The following HIVEP3 variants were observed in gnomAD, a reference collection of about 807,000 sequenced individuals.
The protein encoded by HIVEP3 is transcription factor HIVEP3.
In HIVEP3, 49 loss-of-function variants were observed where a neutral mutation model predicts 152.8. The observed-to-expected ratio is 0.32, with a 90% confidence interval of 0.26 to 0.41. The LOEUF is 0.41. Ranked by LOEUF, HIVEP3 falls within the 10% of genes least tolerant of loss-of-function variation. HIVEP3 has a pLI of 1.00. For synonymous variants in HIVEP3, 1,269 were observed against 1,289.0 expected (o/e 0.98, Z 0.33); for missense variants, 2,790 against 3,103.3 (o/e 0.90, Z 2.40).
intron 3 of HIVEP3, among the ~76,000 whole-genome samples, chr1:41,624,647 G>A (rs1204529136): frequency 6.6e-6 from 1 of 152,196 alleles, no homozygotes; most frequent in Non-Finnish European, 1.5e-5. Context: ...GTATTATGTG[G>A]ATTATCATGA....
Position 41,774,673 on chromosome 1 carries a change from T to C in HIVEP3, c.-800-73678A>G, listed in dbSNP as rs554725908. 5.4e-4 allele frequency among the ~76,000 whole-genome samples: 82 copies of C among 152,358 alleles called. 1 individual carries two copies. The highest frequency in any genetic ancestry group is 6.2e-4 in the Non-Finnish European group (42 of 68,038). On this transcript the variant is annotated intron_variant, in intron 1 of 8. Transcript: ENST00000372583. The stretch of plus-strand genomic sequence containing the variant: ...AGGAGTTGCTCAATTCACAGGATGA[T>C]TAAATAATACATTTTAGAGTAAGAT...
chr1:41,659,768 C>T (rs1645683846), intron 2 of HIVEP3, among the ~76,000 whole-genome samples: 1 of 152,200 alleles, frequency 6.6e-6, no homozygotes, highest in Non-Finnish European at 1.5e-5. Context: ...ATGGAAGAAA[C>T]TGGGAGACAT....
intron 7 of HIVEP3, among the ~76,000 whole-genome samples, chr1:41,514,250 G>T (rs922559831): frequency 5.3e-5 from 8 of 152,138 alleles, no homozygotes; most frequent in African/African-American, 1.9e-4. Flanking sequence ...CCCCTTTGTC[G>T]AATGAATGTG....
intron 1 of HIVEP3, among the ~76,000 whole-genome samples, chr1:41,707,167 G>A (rs1248841258): frequency 2.0e-5 from 3 of 152,210 alleles, no homozygotes; most frequent in Admixed American, 6.5e-5. Flanking sequence ...GGGTTCTGCA[G>A]GACCTCTGGG....
At chr1:41,512,582 G>A (rs1642459989) in intron 8 of HIVEP3, among the ~76,000 whole-genome samples, 1 of 152,228 alleles carries the variant, frequency 6.6e-6, no homozygotes, top group Admixed American at 6.5e-5. Flanking sequence ...ATGAACTCCA[G>A]AGTCCATGCT....
At chr1:41,952,767 C>A (rs575340735) in intron 1 of HIVEP3, among the ~76,000 whole-genome samples, 7 of 152,128 alleles carry the variant, frequency 4.6e-5, no homozygotes, top group Admixed American at 1.3e-4. Flanking sequence ...TATAAAGTAA[C>A]AAAAGGGAAA....
chr1:41,938,328 G>A (rs1645029655), intron 1 of HIVEP3, among the ~76,000 whole-genome samples: 1 of 152,200 alleles, frequency 6.6e-6, no homozygotes, highest in Non-Finnish European at 1.5e-5. Flanking sequence ...CAATGCAGAA[G>A]CCATGTATAT....
intron 1 of HIVEP3, among the ~76,000 whole-genome samples, chr1:41,888,130 G>A (rs1456484094): frequency 6.6e-6 from 1 of 150,884 alleles, no homozygotes; most frequent in Non-Finnish European, 1.5e-5. Flanking sequence ...CCGCCTCCTG[G>A]GTTCACGCCA....
chr1:41,713,575 G>A (rs914802892), intron 1 of HIVEP3, among the ~76,000 whole-genome samples: 1 of 152,162 alleles, frequency 6.6e-6, no homozygotes, highest in Non-Finnish European at 1.5e-5. Context: ...ATTATATGGT[G>A]ATTTTAACAT....
intron 1 of HIVEP3, among the ~76,000 whole-genome samples, chr1:41,971,605 CA>C (rs1380039209): frequency 6.6e-6 from 1 of 152,150 alleles, no homozygotes; most frequent in Non-Finnish European, 1.5e-5. Flanking sequence ...CCTGGCAGCC[CA>C]AAAGGCTAAA....
At chr1:41,788,115 G>A (rs953464170) in intron 1 of HIVEP3, among the ~76,000 whole-genome samples, 1 of 152,160 alleles carries the variant, frequency 6.6e-6, no homozygotes, top group Non-Finnish European at 1.5e-5. Flanking sequence ...ACTGCCCTGG[G>A]CCTGAGGACT....
At chr1:41,604,680 G>A (rs1439319512) in intron 3 of HIVEP3, among the ~76,000 whole-genome samples, 2 of 152,214 alleles carry the variant, frequency 1.3e-5, no homozygotes, top group African/African-American at 4.8e-5. Flanking sequence ...CTCCAGAACT[G>A]TGAGAAATAA....
chr1:41,727,585 G>A (rs939604802), intron 1 of HIVEP3, among the ~76,000 whole-genome samples: 1 of 152,264 alleles, frequency 6.6e-6, no homozygotes, highest in Non-Finnish European at 1.5e-5. Context: ...AGAGGAAGTG[G>A]CTGAGGGGCG....
intron 1 of HIVEP3, among the ~76,000 whole-genome samples, chr1:41,716,346 G>A (rs1646593402): frequency 6.6e-6 from 1 of 152,186 alleles, no homozygotes; most frequent in Non-Finnish European, 1.5e-5. Flanking sequence ...GCGTGGCCAT[G>A]TCCATTACCT....
At position 41,893,936 on chromosome 1, in the gene HIVEP3, T is replaced by C. The variant is rs182042161; in HGVS notation, c.-801+24477A>G. ...TATATATATATATATAAATTGTCTT[T>C]CTGAGACGAAGTCTCACTCTGTTGC... On this transcript the variant is annotated intron_variant, in intron 1 of 8. Transcript: ENST00000372583. 8.3e-3 allele frequency among the ~76,000 whole-genome samples: 1,238 copies of C among 149,538 alleles called. 22 individuals carry two copies. The highest frequency in any genetic ancestry group is 0.029 in the African/African-American group (1,167 of 40,908).
intron 1 of HIVEP3, among the ~76,000 whole-genome samples, chr1:41,851,945 A>T (rs1285950660): frequency 2.6e-5 from 4 of 152,250 alleles, no homozygotes; most frequent in Non-Finnish European, 4.4e-5. Flanking sequence ...AAAGTCATGT[A>T]AATCTCTCTG....
At chr1:41,607,139 T>C (rs566761352) in intron 3 of HIVEP3, among the ~76,000 whole-genome samples, 41 of 152,290 alleles carry the variant, frequency 2.7e-4, no homozygotes, top group African/African-American at 9.9e-4. Flanking sequence ...ATTTCTCAAC[T>C]GAGAGGAAAT....
rs554882585 is a variant in HIVEP3, at chr1:41,871,109, A to G, written c.-801+47304T>C. Among the ~76,000 whole-genome samples, 24 of 152,364 alleles carry G rather than the reference A, an allele frequency of 1.6e-4. No homozygotes were observed. In the South Asian group the frequency reaches 5.0e-3, roughly 32 times the overall value. On this transcript the variant is annotated intron_variant, in intron 1 of 8. Transcript: ENST00000372583. ...ACTTGGACATACTGTCACTAAATTC[A>G]CAAACCACTCAGACCAAATCTCCAA...
chr1:42,032,819 C>T (rs1014939553), intron 1 of HIVEP3, among the ~76,000 whole-genome samples: 2 of 152,148 alleles, frequency 1.3e-5, no homozygotes, highest in African/African-American at 4.8e-5. Flanking sequence ...ATTCTGGCCA[C>T]GGCCTCCTAA....
Sources: allele counts gnomAD v4.1 joint callset (sites outside exome capture counted in the v4.1 genomes callset), GRCh38; gene constraint gnomAD v4.1.1; transcripts MANE v1.5; gene names NCBI Gene and HGNC (gene_info 2026-07-23, HGNC 2026-07-21).